MOCOS: variants seen among roughly 807,000 people sequenced by gnomAD.
The protein encoded by MOCOS is molybdenum cofactor sulfurase.
MOCOS carries 86 observed loss-of-function variants against 83.6 expected under a neutral mutation model. The ratio of observed to expected loss-of-function variants is 1.03; its 90% confidence interval spans 0.86 to 1.23. The LOEUF is 1.23. Ranked by LOEUF, MOCOS falls within the 50% of genes most tolerant of loss-of-function variation. The probability of loss-of-function intolerance (pLI) is 0.00; values close to 1 mark genes in which losing one functional copy is unlikely to be tolerated. For synonymous variants in MOCOS, 445 were observed against 434.7 expected, an observed-to-expected ratio of 1.02 and a Z score of -0.29; for missense variants, 1,120 against 1,126.9, an observed-to-expected ratio of 0.99 and a Z score of 0.09.
chr18:36,260,731 C>T (rs1377341354), intron 13 of MOCOS, among the ~76,000 whole-genome samples: 4 of 152,040 alleles, frequency 2.6e-5, no homozygotes, highest in Admixed American at 6.6e-5. Flanking sequence ...GAGAAAGAGG[C>T]GAAAGGTCTT....
intron 3 of MOCOS, among the ~76,000 whole-genome samples, chr18:36,199,174 T>G (rs1014076348): frequency 1.3e-5 from 2 of 152,202 alleles, no homozygotes; most frequent in Non-Finnish European, 2.9e-5. Flanking sequence ...TTTTTACTAG[T>G]ATTTGTATGT....
At chr18:36,213,945 A>G (rs1182886625) in intron 7 of MOCOS, among the ~76,000 whole-genome samples, 1 of 147,370 alleles carries the variant, frequency 6.8e-6, no homozygotes. Flanking sequence ...CAACCAAAGA[A>G]AAAAAAAAAG....
At chr18:36,244,439 T>G (rs967921369) in intron 9 of MOCOS, among the ~76,000 whole-genome samples, 2 of 152,158 alleles carry the variant, frequency 1.3e-5, no homozygotes, top group African/African-American at 4.8e-5. Flanking sequence ...TTTCGAGAGT[T>G]CTTTTTGGAG....
At chr18:36,224,539 T>G (rs543157423) in intron 9 of MOCOS, among the ~76,000 whole-genome samples, 42 of 152,230 alleles carry the variant, frequency 2.8e-4, no homozygotes, top group Non-Finnish European at 1.8e-4. Context: ...TCCATTGAGA[T>G]GAATATGTAA....
intron 3 of MOCOS, 61 bp downstream of exon 3, chr18:36,198,817 G>A: frequency 1.3e-6 from 2 of 1,565,658 alleles, no homozygotes; most frequent in Non-Finnish European, 1.8e-6. Flanking sequence ...TCCTTCCTAG[G>A]ACTTGCCTGC....
chr18:36,201,048 C>T (rs182945623), intron 4 of MOCOS, among the ~76,000 whole-genome samples: 5 of 152,290 alleles, frequency 3.3e-5, no homozygotes, highest in East Asian at 1.9e-4. Context: ...CCTGTAAGGT[C>T]GAGTGTGTCA....
chr18:36,238,344 C>T (rs1331756793), intron 9 of MOCOS, among the ~76,000 whole-genome samples: 5 of 150,922 alleles, frequency 3.3e-5, no homozygotes, highest in Non-Finnish European at 5.9e-5. Flanking sequence ...TCTTTGTTCT[C>T]GTTGGTTTCA....
At chr18:36,260,301 G>A (rs892570477) in intron 13 of MOCOS, 126 bp downstream of exon 13, 1 of 1,257,346 alleles carries the variant, frequency 8.0e-7, no homozygotes, top group Non-Finnish European at 1.2e-6. Context: ...ACAAAATCTT[G>A]GTGGGAGGTT....
In MOCOS at chr18:36,215,838, T is replaced by C. The variant is rs2091474451; in HGVS notation, c.1658T>C (p.Val553Ala). The change falls in exon 8 of 15, where the codon GTG becomes GCG. Residue 553 changes from valine (V) to alanine (A), a missense_variant. Val to Ala is a moderately conservative substitution (Grantham distance 64). Coordinates refer to ENST00000261326, the MANE Select transcript of MOCOS (RefSeq NM_017947.4). ...NNSSTVNAVP[V>A]APPVCDVART... ...TCGTCTACTGTGAATGCTGTGCCTG[T>C]GGCCCCACCTGTGTGTGATGTCGCC... 6 of 1,614,212 alleles carry C rather than the reference T, an allele frequency of 3.7e-6. No individual in the cohort carries two copies. The highest frequency in any genetic ancestry group is 5.1e-6 in the Non-Finnish European group (6 of 1,180,038).
intron 13 of MOCOS, 102 bp downstream of exon 13, chr18:36,260,277 C>T: frequency 6.8e-7 from 1 of 1,471,460 alleles, no homozygotes; most frequent in South Asian, 1.2e-5. Context: ...CCTCCCAGTC[C>T]TTGTCTCTTA....
intron 11 of MOCOS, among the ~76,000 whole-genome samples, chr18:36,254,523 G>A (rs2091634550): frequency 6.7e-6 from 1 of 150,290 alleles, no homozygotes; most frequent in Non-Finnish European, 1.5e-5. Context: ...GAGCGAGAGG[G>A]AGAGAGAGAG....
chr18:36,254,190 G>A (rs2091632438), intron 11 of MOCOS, among the ~76,000 whole-genome samples: 1 of 152,136 alleles, frequency 6.6e-6, no homozygotes, highest in Non-Finnish European at 1.5e-5. Context: ...TCTTGAAACA[G>A]TTTTTTTGAG....
At chr18:36,213,588 C>G in intron 7 of MOCOS, 106 bp downstream of exon 7, 1 of 895,334 alleles carries the variant, frequency 1.1e-6, no homozygotes, top group Non-Finnish European at 1.9e-6. Flanking sequence ...CTCATTTCTC[C>G]ACGCCTACTC....
intron 6 of MOCOS, among the ~76,000 whole-genome samples, chr18:36,205,929 G>A (rs903376930): frequency 2.3e-4 from 35 of 152,054 alleles, no homozygotes; most frequent in African/African-American, 6.5e-4. Flanking sequence ...TAGTAGATAC[G>A]GGGTTTCACC....
At chr18:36,198,668 C>T (rs768201281) in intron 2 of MOCOS, 22 bp from the exon 3 acceptor site, 2 of 1,613,770 alleles carry the variant, frequency 1.2e-6, no homozygotes, top group Non-Finnish European at 1.7e-6. Context: ...GACTTGGTGG[C>T]CTTGTCTTTG....
At chr18:36,240,118 G>A (rs2091575350) in intron 9 of MOCOS, among the ~76,000 whole-genome samples, 2 of 134,298 alleles carry the variant, frequency 1.5e-5, no homozygotes, top group Non-Finnish European at 1.6e-5. Flanking sequence ...ATCGTCTGAA[G>A]CCTTCTTCTC....
At chr18:36,217,061 C>T (rs534260560) in intron 8 of MOCOS, among the ~76,000 whole-genome samples, 6 of 152,204 alleles carry the variant, frequency 3.9e-5, no homozygotes, top group East Asian at 3.9e-4. Flanking sequence ...ACTAGAGAGA[C>T]GCGACAAATG....
In MOCOS at chr18:36,271,638, A is replaced by G; in HGVS notation, c.*2953A>G. On this transcript the variant is annotated 3_prime_UTR_variant, in exon 15 of 15. Transcript: ENST00000261326. ...CCAAACCTTGGTGTTAGAGTCACAAAAAGTCCTTTTTTAAAAAAACTTGGT... is the reference window on the plus strand; with the variant it reads ...CCAAACCTTGGTGTTAGAGTCACAAGAAGTCCTTTTTTAAAAAAACTTGGT... 1 of 152,148 alleles carries G rather than the reference A, an allele frequency of 6.6e-6. No individual in the cohort carries two copies. The highest frequency in any genetic ancestry group is 1.9e-4 in the East Asian group (1 of 5,190). The allele number at this position is 152,148 out of a possible 1,614,324, so 9.4% of individuals were successfully genotyped here. A position where few individuals can be genotyped will look rare whatever the true frequency, so the allele number is the denominator to read the frequency against.
chr18:36,221,815 C>G (rs1381585915), intron 9 of MOCOS, among the ~76,000 whole-genome samples: 1 of 151,776 alleles, frequency 6.6e-6, no homozygotes, highest in Non-Finnish European at 1.5e-5. Flanking sequence ...CAACCTCTGC[C>G]TCCTGGGTTC....
Sources: allele counts gnomAD v4.1 joint callset (sites outside exome capture counted in the v4.1 genomes callset), GRCh38; gene constraint gnomAD v4.1.1; transcripts MANE v1.5; gene names NCBI Gene and HGNC (gene_info 2026-07-23, HGNC 2026-07-21).